The following HPS4 variants were observed in gnomAD, a reference collection of about 807,000 sequenced individuals.
HPS4 encodes HPS4 biogenesis of lysosomal organelles complex 3 subunit 2.
HPS4 carries 44 observed loss-of-function variants against 70.3 expected under a neutral mutation model. The observed-to-expected ratio is 0.63, with a 90% CI of 0.49 to 0.80. The LOEUF (loss-of-function observed/expected upper bound fraction) is 0.80. HPS4 is among the 30% of genes least tolerant of loss of function. The pLI is 0.00. For synonymous variants in HPS4, 377 were observed against 355.9 expected (o/e 1.06, Z -0.67); for missense variants, 873 against 884.4 (o/e 0.99, Z 0.16).
chr22:26,454,016 G>A (rs182494800), intron 13 of HPS4: 491 of 154,540 alleles, frequency 3.2e-3, no homozygotes, highest in African/African-American at 0.012. Flanking sequence ...ACACAGAGGC[G>A]GAGCCACCTG....
At chr22:26,476,015 C>T (rs1400540276) in intron 4 of HPS4, 1 of 151,850 alleles carries the variant, frequency 6.6e-6, no homozygotes, top group Non-Finnish European at 1.5e-5. Context: ...AGCACTCCAG[C>T]CTGAGCAACA....
At chr22:26,461,094 G>A (rs2087164220) in intron 11 of HPS4, among the ~76,000 whole-genome samples, 1 of 152,238 alleles carries the variant, frequency 6.6e-6, no homozygotes, top group Admixed American at 6.5e-5. Flanking sequence ...TAATTCCCGG[G>A]TCCTCTGACT....
chr22:26,458,037 AG>A, intron 12 of HPS4, 70 bp from the exon 13 acceptor site: 1 of 1,237,434 alleles, frequency 8.1e-7, no homozygotes, highest in Non-Finnish European at 1.2e-6. Context: ...CATGAAGCCC[AG>A]TACTGAACAC....
intron 11 of HPS4, among the ~76,000 whole-genome samples, chr22:26,459,749 A>G (rs186960111): frequency 1.3e-5 from 2 of 152,378 alleles, no homozygotes; most frequent in East Asian, 3.9e-4. Context: ...AAATGGGAAC[A>G]GTACGGGACT....
downstream of HPS4, among the ~76,000 whole-genome samples, chr22:26,450,178 C>G (rs544853377): frequency 6.6e-6 from 1 of 152,324 alleles, no homozygotes; most frequent in Admixed American, 6.5e-5. Context: ...TCCGATCCAA[C>G]AAGGCAACAT....
downstream of HPS4, among the ~76,000 whole-genome samples, chr22:26,447,826 C>T (rs1254498918): frequency 3.9e-5 from 6 of 152,148 alleles, no homozygotes; most frequent in Non-Finnish European, 8.8e-5. Context: ...CAGGCACACA[C>T]GTTGCTTCTA....
intron 4 of HPS4, chr22:26,476,092 A>C (rs770561869): frequency 1.3e-5 from 2 of 152,188 alleles, no homozygotes; most frequent in Non-Finnish European, 2.9e-5. Flanking sequence ...TAAAGGAATG[A>C]ATAGATAGGT....
At chr22:26,463,840 T>A (rs1472240964) in intron 11 of HPS4, 77 bp downstream of exon 11, 4 of 1,465,306 alleles carry the variant, frequency 2.7e-6, no homozygotes, top group South Asian at 1.2e-5. Context: ...CCCTGGGTGT[T>A]GGCACAGTGC....
At chr22:26,476,428 A>T (rs1419568280) in intron 4 of HPS4, 1 of 153,028 alleles carries the variant, frequency 6.5e-6, no homozygotes, top group African/African-American at 2.4e-5. Context: ...GGCTCACTGC[A>T]GCCTGAAACT....
downstream of HPS4, among the ~76,000 whole-genome samples, chr22:26,449,083 C>CT (rs960035963): frequency 6.6e-6 from 1 of 152,114 alleles, no homozygotes; most frequent in Non-Finnish European, 1.5e-5. Flanking sequence ...CCGCCAGCTC[C>CT]TTCAGGGCAG....
chr22:26,469,482 G>C (rs1217192902), intron 7 of HPS4, among the ~76,000 whole-genome samples: 1 of 151,392 alleles, frequency 6.6e-6, no homozygotes, highest in Non-Finnish European at 1.5e-5. Context: ...AAGAAAGAAG[G>C]GGGGCTTTTA....
At position 26,452,693 on chromosome 22, in the gene HPS4, G is replaced by C. The variant is rs1240842668; in HGVS notation, c.*540C>G. The C allele has an allele frequency of 4.1e-6, 1 of 241,328 alleles. No homozygotes were observed. The highest frequency in any genetic ancestry group is 8.3e-6 in the Non-Finnish European group (1 of 120,998). 14.9% of individuals were successfully genotyped at this position (241,328 alleles called of 1,614,324 possible). ...AACCAAGTGGTCTCCGTGTGCTGCC[G>C]CTTCCCTGCAGGAACGATCCGGACC... On this transcript the variant is annotated 3_prime_UTR_variant, in exon 14 of 14. Coordinates refer to ENST00000398145, the MANE Select transcript of HPS4 (RefSeq NM_022081.6).
rs1284255788 is a variant in HPS4, at chr22:26,464,419, G to A, written c.1211C>T (p.Ala404Val). Residue 404 changes from alanine (A) to valine (V), a missense_variant, in exon 11 of 14, where the codon GCA (alanine) becomes GTA (valine). Coordinates refer to ENST00000398145, the MANE Select transcript of HPS4 (RefSeq NM_022081.6). ...VPDGRAPYCKASLSASSSLEP... is the reference protein window; with the variant it reads ...VPDGRAPYCKVSLSASSSLEP... ...CAGGCTGCTGGAGGCGCTGAGAGAT[G>A]CCTTGCAGTAAGGAGCCCTGCCATC... is the stretch of plus-strand genomic sequence containing the variant. The A allele has an allele frequency of 3.7e-6, 6 of 1,614,184 alleles. No homozygotes were observed. The highest frequency in any genetic ancestry group is 5.1e-6 in the Non-Finnish European group (6 of 1,180,032).
At chr22:26,465,881 TCTC>T in intron 9 of HPS4, 1 of 569,118 alleles carries the variant, frequency 1.8e-6, no homozygotes, top group Non-Finnish European at 3.1e-6. Flanking sequence ...TCGAAATAAC[TCTC>T]CTGAGGACGC....
At chr22:26,463,163 C>T (rs974110691) in intron 11 of HPS4, among the ~76,000 whole-genome samples, 1 of 152,228 alleles carries the variant, frequency 6.6e-6, no homozygotes, top group Non-Finnish European at 1.5e-5. Context: ...AGCAACGAAT[C>T]TCCAGCGTGG....
chr22:26,458,726 G>T, intron 11 of HPS4, 149 bp from the exon 12 acceptor site: 1 of 870,206 alleles, frequency 1.1e-6, no homozygotes, highest in Non-Finnish European at 1.8e-6. Flanking sequence ...TGAGACCGAG[G>T]CAGGAGGATC....
rs546959109 is a variant in HPS4, at chr22:26,452,483, G to C, written c.*750C>G. 2.5e-6 allele frequency: 1 copy of C among 407,782 alleles called. No homozygotes were observed. The highest frequency in any genetic ancestry group is 4.9e-6 in the Non-Finnish European group (1 of 205,454). 25.3% of individuals were successfully genotyped at this position (407,782 alleles called of 1,614,324 possible). A position where few individuals can be genotyped will look rare whatever the true frequency, so the allele number is the denominator to read the frequency against. ...CTCGCTCGAGAGGAACCAGCTGCAC[G>C]GCCCACTTGTAGTCAAAGGCAGCGC... On this transcript the variant is annotated 3_prime_UTR_variant, in exon 14 of 14. Coordinates refer to ENST00000398145, the MANE Select transcript of HPS4 (RefSeq NM_022081.6).
At position 26,477,003 on chromosome 22, in the gene HPS4, T is replaced by C; in HGVS notation, c.266A>G (p.Asp89Gly). 3 of 1,614,138 alleles carry C rather than the reference T, an allele frequency of 1.9e-6. No individual in the cohort carries two copies. The highest frequency in any genetic ancestry group is 2.5e-6 in the Non-Finnish European group (3 of 1,180,004). The change falls in exon 4 of 14, where the codon GAT becomes GGT. Residue 89 changes from aspartate to glycine, a missense_variant. Coordinates refer to ENST00000398145, the MANE Select transcript of HPS4 (RefSeq NM_022081.6). Reference sequence around the variant, plus strand: ...TGCCATTCAACTTACCCAAAGGTAATCTCCATCAACTTTTATGGCAAACTT... The same window carrying C: ...TGCCATTCAACTTACCCAAAGGTAACCTCCATCAACTTTTATGGCAAACTT... ...KLKFAIKVDG[D>G]YLWVLGCAVE...
chr22:26,479,636 G>A, intron 2 of HPS4: 1 of 1,290,258 alleles, frequency 7.8e-7, no homozygotes, highest in Non-Finnish European at 9.8e-7. Context: ...CACAATGACT[G>A]CTCTTATTTG....
Sources: allele counts gnomAD v4.1 joint callset (sites outside exome capture counted in the v4.1 genomes callset), GRCh38; gene constraint gnomAD v4.1.1; transcripts MANE v1.5; gene names NCBI Gene and HGNC (gene_info 2026-07-23, HGNC 2026-07-21).